The following SF3B1 variants were observed in gnomAD, a reference collection of about 807,000 sequenced individuals.
SF3B1 encodes the protein pre-mRNA processing 10.
SF3B1 carries 12 observed loss-of-function variants against 153.8 expected under a neutral mutation model. That is an observed-to-expected ratio of 0.08 (90% CI 0.05 to 0.13). The LOEUF is 0.13. Ranked by LOEUF, SF3B1 falls within the 10% of genes least tolerant of loss-of-function variation. The pLI, the probability that SF3B1 is intolerant of heterozygous loss-of-function variation, is 1.00. For missense variants in SF3B1, 513 were observed against 1,606.1 expected (o/e 0.32, Z 11.63); for synonymous variants, 498 against 525.2 (o/e 0.95, Z 0.71).
Position 197,400,152 on chromosome 2 carries a change from T to G in SF3B1, c.2916A>C (p.Gly972=). ...ACTCATACAATACAACACCCAAGTG[T>G]CCCATCAATTTTTCCTATAATAAAA... ...MKTCQEEKLM[G]HLGVVLYEYL... Residue 972 remains glycine (G), a synonymous_variant, in exon 20 of 25, where the codon GGA becomes GGC. Transcript: ENST00000335508. The surrounding 1 kb of genome is among the most constrained non-coding windows in gnomAD (Gnocchi z 5.0). 6.2e-7 allele frequency: 1 copy of G among 1,612,792 alleles called. No homozygotes were observed.
intron 8 of SF3B1, 21 bp downstream of exon 8, chr2:197,408,348 T>A (rs769274549): frequency 6.2e-7 from 1 of 1,605,590 alleles, no homozygotes; most frequent in Admixed American, 1.7e-5. Context: ...AAAACAATTA[T>A]GTCCAATGAG....
intron 6 of SF3B1, 61 bp downstream of exon 6, chr2:197,416,677 CTAA>C: frequency 7.0e-7 from 1 of 1,437,630 alleles, no homozygotes; most frequent in Non-Finnish European, 9.5e-7. Context: ...CCCAAGCAGA[CTAA>C]TACAGTCCAT....
rs762961882 is a variant in SF3B1, at chr2:197,408,126, A to G, written c.1118-7T>C. The G allele has an allele frequency of 1.2e-6, 2 of 1,609,660 alleles. No individual in the cohort carries two copies. Among genetic ancestry groups the G allele is most frequent in the Admixed American group, 1.7e-5 (1 of 59,742 alleles). The stretch of plus-strand genomic sequence containing the variant: ...GTCATACTCATTATGTGACCTACCA[A>G]GAAAAGCAAATTTTTATATAATCTA... On this transcript the variant is annotated splice_region_variant and splice_polypyrimidine_tract_variant and intron_variant, in intron 8 of 24. Transcript: ENST00000335508.
In SF3B1 at chr2:197,403,799, T is replaced by C. The variant is rs760107164; in HGVS notation, c.1540-35A>G. ...AGAGCAGAGTAATAGGTGTGGTTTC[T>C]TTATAATCAAACATTTTGAATGAGC... On this transcript the variant is annotated intron_variant, in intron 11 of 24. Transcript: ENST00000335508. The C allele has an allele frequency of 2.0e-6, 3 of 1,485,378 alleles. No homozygotes were observed. The South Asian group carries it at 4.1e-5, about 20-fold the overall frequency. The allele number at this position is 1,485,378 out of a possible 1,614,324, so 92.0% of individuals were successfully genotyped here.
Position 197,434,941 on chromosome 2 carries a change from G to A in SF3B1, c.28+31C>T, listed in dbSNP as rs1444700250. The A allele has an allele frequency of 1.9e-6, 3 of 1,609,366 alleles. No homozygotes were observed. The African/African-American group carries it at 4.0e-5, about 21-fold the overall frequency. The stretch of plus-strand genomic sequence containing the variant: ...AGGCTTTTATTAGGCTAGCAACGAA[G>A]AAAACACGTAAGCAGGGAAAGACCG... On this transcript the variant is annotated intron_variant, in intron 1 of 24. Coordinates refer to ENST00000335508, the MANE Select transcript of SF3B1 (RefSeq NM_012433.4).
At chr2:197,417,693 G>A (rs1021384157) in intron 5 of SF3B1, among the ~76,000 whole-genome samples, 3 of 151,836 alleles carry the variant, frequency 2.0e-5, no homozygotes, top group Non-Finnish European at 4.4e-5. Flanking sequence ...GGAGGCAGAG[G>A]GTGCGGTAAG....
At position 197,390,147 on chromosome 2, in the gene SF3B1, T is replaced by C. The variant is rs945863828; in HGVS notation, c.*2156A>G. On this transcript the variant is annotated 3_prime_UTR_variant, in exon 25 of 25. Transcript: ENST00000335508. ...CTCTATTTGGTCCCAATGTTTTAGGTCATAGCTTTCACTACTTCCCTCCTC... is the reference window on the plus strand; with the variant it reads ...CTCTATTTGGTCCCAATGTTTTAGGCCATAGCTTTCACTACTTCCCTCCTC... 1 of 152,208 alleles carries C rather than the reference T, an allele frequency of 6.6e-6. No homozygotes were observed. The highest frequency in any genetic ancestry group is 1.5e-5 in the Non-Finnish European group (1 of 68,040). 9.4% of individuals were successfully genotyped at this position (152,208 alleles called of 1,614,324 possible). A position where few individuals can be genotyped will look rare whatever the true frequency, so the allele number is the denominator to read the frequency against.
At chr2:197,427,806 G>C (rs941773879) in intron 1 of SF3B1, among the ~76,000 whole-genome samples, 4 of 151,972 alleles carry the variant, frequency 2.6e-5, no homozygotes, top group African/African-American at 7.3e-5. Context: ...GGATCACGAG[G>C]TCAGGAGTTC....
Position 197,427,155 on chromosome 2 carries a change from A to G in SF3B1, c.29-3181T>C, listed in dbSNP as rs185533046. Among the ~76,000 whole-genome samples, 186 of 152,348 alleles carry G rather than the reference A, an allele frequency of 1.2e-3. 5 individuals carry two copies. The South Asian group carries it at 0.03, about 25-fold the overall frequency. On this transcript the variant is annotated intron_variant, in intron 1 of 24. Coordinates refer to ENST00000335508, the MANE Select transcript of SF3B1 (RefSeq NM_012433.4). The stretch of plus-strand genomic sequence containing the variant: ...TGTTGGTATGAAATCTATGTAAATC[A>G]TGACTAGGTTCTTATTAAAATTTAG...
intron 5 of SF3B1, among the ~76,000 whole-genome samples, chr2:197,418,264 A>T (rs1057332211): frequency 1.4e-5 from 2 of 144,120 alleles, no homozygotes; most frequent in Non-Finnish European, 3.0e-5. Flanking sequence ...AAAAAAAAAA[A>T]TCCCTTGTGA....
chr2:197,398,847 GA>G, intron 20 of SF3B1: 1 of 486,894 alleles, frequency 2.1e-6, no homozygotes, highest in Non-Finnish European at 3.9e-6. Context: ...GTTTGATTCT[GA>G]AATATATTTG....
At chr2:197,425,727 C>T (rs190526780) in intron 1 of SF3B1, among the ~76,000 whole-genome samples, 6 of 151,934 alleles carry the variant, frequency 3.9e-5, no homozygotes, top group East Asian at 1.9e-4. Flanking sequence ...GAGGCAGACG[C>T]GGTAGCTCAC....
rs2084872777 is a variant in SF3B1 at position 197,396,220 on chromosome 2, G to C, written c.3375C>G (p.Pro1125=). The C allele has an allele frequency of 2.5e-6, 4 of 1,613,772 alleles. No individual in the cohort carries two copies. Among genetic ancestry groups the C allele is most frequent in the East Asian group, 4.5e-5 (2 of 44,852 alleles). ...AIAIVAETCS[P]FTVLPALMNE... ...TCATTAAGGCAGGGAGTACTGTAAA[G>C]GGTGAACATGTTTCTGCAACAATAG... Residue 1125 remains proline, a synonymous_variant, in exon 23 of 25, where the codon CCC becomes CCG. Transcript: ENST00000335508.
chr2:197,427,992 T>C (rs892470469), intron 1 of SF3B1, among the ~76,000 whole-genome samples: 2 of 151,886 alleles, frequency 1.3e-5, no homozygotes, highest in Non-Finnish European at 2.9e-5. Flanking sequence ...CACTCCAACC[T>C]AGGCGACAGA....
At chr2:197,392,578 G>GGGGA in intron 24 of SF3B1, 117 bp from the exon 25 acceptor site, 1 of 323,394 alleles carries the variant, frequency 3.1e-6, no homozygotes, top group Non-Finnish European at 5.7e-6. Context: ...GTTGGGGGGG[G>GGGGA]GGGAACCTAC....
chr2:197,432,912 C>A (rs1297585247), intron 1 of SF3B1, among the ~76,000 whole-genome samples: 1 of 152,016 alleles, frequency 6.6e-6, no homozygotes, highest in Admixed American at 6.6e-5. Flanking sequence ...AGGAATATGA[C>A]AGCAAAATAA....
At position 197,400,216 on chromosome 2, in the gene SF3B1, T is replaced by C. The variant is rs1376546864; in HGVS notation, c.2901+36A>G. 3 of 1,611,134 alleles carry C rather than the reference T, an allele frequency of 1.9e-6. No individual in the cohort carries two copies. The highest frequency in any genetic ancestry group is 2.5e-6 in the Non-Finnish European group (3 of 1,177,624). ...AATGTTACTATTTACATTAAACTAT[T>C]TGGGGAAGAAGTAAGAATTTGATGC... is the stretch of plus-strand genomic sequence containing the variant. On this transcript the variant is annotated intron_variant, in intron 19 of 24. Transcript: ENST00000335508. This position sits in a 1 kb window ranked among gnomAD's most constrained non-coding sequence, Gnocchi z 5.0.
At chr2:197,412,326 C>CT (rs1199459231) in intron 6 of SF3B1, among the ~76,000 whole-genome samples, 2 of 146,872 alleles carry the variant, frequency 1.4e-5, no homozygotes, top group African/African-American at 5.0e-5. Flanking sequence ...TTAAAAAAGT[C>CT]TGAGTCTCTG....
intron 6 of SF3B1, among the ~76,000 whole-genome samples, chr2:197,413,658 T>C (rs2085104482): frequency 6.6e-6 from 1 of 152,194 alleles, no homozygotes; most frequent in Non-Finnish European, 1.5e-5. Context: ...TAGACTAGGA[T>C]GGTAGAGGCA....
Sources: gnomAD v4.1 joint callset for allele counts (sites outside exome capture counted in the v4.1 genomes callset) on GRCh38, gnomAD v4.1.1 for gene constraint, Gnocchi (gnomAD v3.1) non-coding constraint, MANE v1.5 for transcripts, NCBI Gene and HGNC (gene_info 2026-07-23, HGNC 2026-07-21) for gene names.